The following VWC2L variants were observed in gnomAD, a reference collection of about 807,000 sequenced individuals.
The protein encoded by VWC2L is von Willebrand factor C domain-containing protein 2-like.
In VWC2L, 10 loss-of-function variants were observed where a neutral mutation model predicts 21.6. The observed-to-expected ratio is 0.46, with a 90% CI of 0.29 to 0.78. The LOEUF (loss-of-function observed/expected upper bound fraction) is 0.78, where lower values mean the gene tolerates loss of function less well. Ranked by LOEUF, VWC2L falls within the 30% of genes least tolerant of loss-of-function variation. The probability of loss-of-function intolerance (pLI) is 0.10; values close to 1 mark genes in which losing one functional copy is unlikely to be tolerated. For synonymous variants in VWC2L, 96 were observed against 94.3 expected (o/e 1.02, Z -0.10); for missense variants, 209 against 277.1 (o/e 0.75, Z 1.74).
chr2:214,477,754 T>C (rs905737310), intron 3 of VWC2L, among the ~76,000 whole-genome samples: 7 of 152,274 alleles, frequency 4.6e-5, no homozygotes, highest in Non-Finnish European at 8.8e-5. Context: ...GCTGAATATA[T>C]TATACAATTG....
Position 214,487,405 on chromosome 2 carries a change from T to C in VWC2L, c.520+50647T>C, listed in dbSNP as rs1469193176. Among the ~76,000 whole-genome samples, 3 of 152,122 alleles carry C rather than the reference T, an allele frequency of 2.0e-5. No individual in the cohort carries two copies. In the East Asian group the frequency reaches 5.8e-4, roughly 29 times the overall value. On this transcript the variant is annotated intron_variant, in intron 3 of 3. Coordinates refer to ENST00000312504, the MANE Select transcript of VWC2L (RefSeq NM_001080500.4). ...TGGGGCTACAGTGGTGAGCAAGACA[T>C]AGGTGCTGCTTTTAAGAGGTTTTCA...
intron 3 of VWC2L, among the ~76,000 whole-genome samples, chr2:214,567,112 C>T (rs894401030): frequency 6.6e-6 from 1 of 152,154 alleles, no homozygotes; most frequent in Non-Finnish European, 1.5e-5. Context: ...TTCTAAAAGA[C>T]ACTAAGTGTC....
intron 2 of VWC2L, among the ~76,000 whole-genome samples, chr2:214,432,381 T>A (rs1702613203): frequency 6.6e-6 from 1 of 152,130 alleles, no homozygotes; most frequent in Non-Finnish European, 1.5e-5. Flanking sequence ...TCTGAATGGT[T>A]GACATGATGG....
intron 2 of VWC2L, among the ~76,000 whole-genome samples, chr2:214,429,198 A>G (rs1035219309): frequency 6.6e-6 from 1 of 152,200 alleles, no homozygotes; most frequent in African/African-American, 2.4e-5. Flanking sequence ...GAAGTTACAC[A>G]GTTGCTCACT....
chr2:214,523,974 G>T (rs1689286113), intron 3 of VWC2L, among the ~76,000 whole-genome samples: 1 of 152,058 alleles, frequency 6.6e-6, no homozygotes, highest in African/African-American at 2.4e-5. Context: ...CGTGTAATGT[G>T]ATTGATTTAA....
chr2:214,500,514 A>G (rs1417807957), intron 3 of VWC2L, among the ~76,000 whole-genome samples: 1 of 152,170 alleles, frequency 6.6e-6, no homozygotes, highest in Non-Finnish European at 1.5e-5. Context: ...TCCAGGTAGG[A>G]CAAAAGGCAA....
chr2:214,561,855 T>C (rs190346438), intron 3 of VWC2L, among the ~76,000 whole-genome samples: 1 of 149,330 alleles, frequency 6.7e-6, no homozygotes, highest in Admixed American at 6.7e-5. Flanking sequence ...CATATAATTT[T>C]ATGTATATAT....
At chr2:214,492,223 A>T (rs1688755012) in intron 3 of VWC2L, among the ~76,000 whole-genome samples, 1 of 152,206 alleles carries the variant, frequency 6.6e-6, no homozygotes, top group African/African-American at 2.4e-5. Flanking sequence ...ACTAAATAGC[A>T]TAAAGCCTCC....
chr2:214,481,250 T>A (rs898799669), intron 3 of VWC2L, among the ~76,000 whole-genome samples: 1 of 152,182 alleles, frequency 6.6e-6, no homozygotes, highest in Admixed American at 6.5e-5. Flanking sequence ...GCAGAAATGA[T>A]GTTGGGAGGC....
intron 3 of VWC2L, among the ~76,000 whole-genome samples, chr2:214,464,841 C>T (rs1703191664): frequency 6.6e-6 from 1 of 152,044 alleles, no homozygotes; most frequent in African/African-American, 2.4e-5. Flanking sequence ...GAGCTGGCAC[C>T]CAAGCCACAT....
At chr2:214,498,009 T>C (rs1688835551) in intron 3 of VWC2L, among the ~76,000 whole-genome samples, 1 of 152,130 alleles carries the variant, frequency 6.6e-6, no homozygotes, top group South Asian at 2.1e-4. Context: ...ACTGACATGA[T>C]GAATCTAATG....
At chr2:214,435,576 T>C (rs1702668250) in intron 2 of VWC2L, among the ~76,000 whole-genome samples, 1 of 152,056 alleles carries the variant, frequency 6.6e-6, no homozygotes, top group East Asian at 1.9e-4. Flanking sequence ...CTGACAAGGG[T>C]TTTGGACAGT....
At chr2:214,438,826 T>A (rs1702719493) in intron 3 of VWC2L, among the ~76,000 whole-genome samples, 1 of 152,018 alleles carries the variant, frequency 6.6e-6, no homozygotes, top group African/African-American at 2.4e-5. Context: ...TTCAATCAGT[T>A]AATTAATTAG....
chr2:214,510,653 C>T (rs1274564487), intron 3 of VWC2L, among the ~76,000 whole-genome samples: 1 of 152,218 alleles, frequency 6.6e-6, no homozygotes, highest in East Asian at 1.9e-4. Context: ...CTGATCCTCA[C>T]AGATAAAGCC....
chr2:214,450,896 C>T (rs930296375), intron 3 of VWC2L, among the ~76,000 whole-genome samples: 2 of 152,064 alleles, frequency 1.3e-5, no homozygotes, highest in African/African-American at 4.8e-5. Context: ...AAAGCATTAA[C>T]ATGTTTAACC....
At chr2:214,449,819 C>T (rs796808598) in intron 3 of VWC2L, among the ~76,000 whole-genome samples, 76 of 152,280 alleles carry the variant, frequency 5.0e-4, no homozygotes, top group African/African-American at 1.8e-3. Context: ...AAAGAGCAGC[C>T]ATAAATGCTA....
At chr2:214,459,707 C>A (rs574374788) in intron 3 of VWC2L, among the ~76,000 whole-genome samples, 11 of 152,198 alleles carry the variant, frequency 7.2e-5, no homozygotes, top group Admixed American at 2.0e-4. Context: ...GGTCTTCCTT[C>A]ATTTATGAAT....
intron 3 of VWC2L, among the ~76,000 whole-genome samples, chr2:214,487,392 G>C (rs921923081): frequency 1.3e-5 from 2 of 152,078 alleles, no homozygotes; most frequent in Non-Finnish European, 2.9e-5. Flanking sequence ...GGGCTACAGT[G>C]GTGAGCAAGA....
chr2:214,448,487 A>T (rs1485433434), intron 3 of VWC2L, among the ~76,000 whole-genome samples: 1 of 152,210 alleles, frequency 6.6e-6, no homozygotes, highest in Non-Finnish European at 1.5e-5. Context: ...TTTGTTTCCC[A>T]CTAAGATTAG....
Sources: allele counts gnomAD v4.1 joint callset (sites outside exome capture counted in the v4.1 genomes callset), GRCh38; gene constraint gnomAD v4.1.1; transcripts MANE v1.5; gene names NCBI Gene and HGNC (gene_info 2026-07-23, HGNC 2026-07-21).